The following PHF21A variants were observed in gnomAD, a reference collection of about 807,000 sequenced individuals.
PHF21A encodes the protein BHC80a.
In PHF21A, 11 loss-of-function variants were observed where a neutral mutation model predicts 82.5. That is an observed-to-expected ratio of 0.13 (90% confidence interval 0.08 to 0.22). The LOEUF is 0.22. Among genes scored for constraint, PHF21A ranks in the 10% least tolerant of loss-of-function variants. The probability of loss-of-function intolerance (pLI) is 1.00; values close to 1 mark genes in which losing one functional copy is unlikely to be tolerated. For missense variants in PHF21A, 579 were observed against 837.8 expected, an observed-to-expected ratio of 0.69 and a Z score of 3.81; for synonymous variants, 297 against 302.8, an observed-to-expected ratio of 0.98 and a Z score of 0.20.
At chr11:46,057,420 C>A (rs894470800) in intron 6 of PHF21A, among the ~76,000 whole-genome samples, 1 of 152,084 alleles carries the variant, frequency 6.6e-6, no homozygotes, top group African/African-American at 2.4e-5. Flanking sequence ...ATACATATAA[C>A]AGATGCCCAG....
chr11:45,981,229 T>C (rs2094264621), intron 6 of PHF21A, among the ~76,000 whole-genome samples: 2 of 151,266 alleles, frequency 1.3e-5, no homozygotes, highest in Admixed American at 6.6e-5. Flanking sequence ...CCGCTAAAAA[T>C]ACAAAAATTA....
intron 1 of PHF21A, among the ~76,000 whole-genome samples, chr11:46,115,692 G>C (rs2097280736): frequency 6.6e-6 from 1 of 151,664 alleles, no homozygotes; most frequent in African/African-American, 2.4e-5. Context: ...ATTCAAACAT[G>C]TTTCAAGAAA....
rs944811570 is a variant in PHF21A, at chr11:46,111,397, G to C, written c.-237+9538C>G. Among the ~76,000 whole-genome samples, 8 of 152,036 alleles carry C rather than the reference G, an allele frequency of 5.3e-5. No homozygotes were observed. The East Asian group carries it at 1.6e-3, about 30-fold the overall frequency. ...AGGCATGAGAACTGCTGGATCCTGG[G>C]AGGCAGAGGTTGCAGTGAGCTGATA... On this transcript the variant is annotated intron_variant, in intron 1 of 18. Coordinates refer to ENST00000676320, the MANE Select transcript of PHF21A (RefSeq NM_001352027.3).
chr11:46,044,750 T>C (rs902007176), intron 6 of PHF21A, among the ~76,000 whole-genome samples: 1 of 152,228 alleles, frequency 6.6e-6, no homozygotes, highest in South Asian at 2.1e-4. Context: ...CTTAACTATA[T>C]GCCTGACTTC....
intron 6 of PHF21A, among the ~76,000 whole-genome samples, chr11:46,069,770 T>A (rs151309055): frequency 6.6e-6 from 1 of 152,232 alleles, no homozygotes; most frequent in Non-Finnish European, 1.5e-5. Flanking sequence ...AGTTTATGTA[T>A]CACAATGATG....
chr11:46,034,435 C>T (rs2095944369), intron 6 of PHF21A, among the ~76,000 whole-genome samples: 1 of 152,056 alleles, frequency 6.6e-6, no homozygotes, highest in Non-Finnish European at 1.5e-5. Flanking sequence ...TTATTAGGTC[C>T]TTTCCTGTAT....
rs1164295510 is a variant in PHF21A, at chr11:45,929,442, T to G, written c.*4526A>C. The G allele has an allele frequency of 1.3e-5, 2 of 153,828 alleles. No individual in the cohort carries two copies. The highest frequency in any genetic ancestry group is 1.3e-4 in the Admixed American group (2 of 15,522). 9.5% of individuals were successfully genotyped at this position (153,828 alleles called of 1,614,324 possible). ...ACCAAACAAACAAAAACAAAAACTT[T>G]GAAGCACAAAACTCCAAATACAAGT... is the stretch of plus-strand genomic sequence containing the variant. On this transcript the variant is annotated 3_prime_UTR_variant, in exon 19 of 19. Transcript: ENST00000676320.
At chr11:45,950,162 T>G (rs764766209) in intron 12 of PHF21A, 44 bp downstream of exon 12, 1 of 1,426,292 alleles carries the variant, frequency 7.0e-7, no homozygotes, top group Non-Finnish European at 9.8e-7. Flanking sequence ...GGAACAAAGC[T>G]GTGGGCCAGA....
chr11:45,940,354 CCTGA>C (rs2090113615), intron 15 of PHF21A, among the ~76,000 whole-genome samples: 1 of 152,076 alleles, frequency 6.6e-6, no homozygotes, highest in South Asian at 2.1e-4. Flanking sequence ...CACCACCACG[CCTGA>C]CTAACTTTTA....
chr11:46,029,426 GC>G (rs1231333161), intron 6 of PHF21A, among the ~76,000 whole-genome samples: 2 of 152,128 alleles, frequency 1.3e-5, no homozygotes, highest in African/African-American at 4.8e-5. Context: ...AGTGGCTCAC[GC>G]CTGTAATCCT....
At chr11:45,940,212 T>G (rs1407757257) in intron 15 of PHF21A, among the ~76,000 whole-genome samples, 1 of 151,794 alleles carries the variant, frequency 6.6e-6, no homozygotes, top group Non-Finnish European at 1.5e-5. Flanking sequence ...TTTTTTTTTT[T>G]AGACGGAGTC....
In PHF21A at chr11:45,969,852, G is replaced by A. The variant is rs1183518150; in HGVS notation, c.665C>T (p.Pro222Leu). The change falls in exon 9 of 19, where the codon CCT becomes CTT. Residue 222 changes from proline (P) to leucine (L), a missense_variant. This residue lies in a region of PHF21A where 410 missense variants were observed against 642.1 expected (regional missense o/e 0.64). Coordinates refer to ENST00000676320, the MANE Select transcript of PHF21A (RefSeq NM_001352027.3). ...GTTTGGACGTGGAGTGAGTCTAGGA[G>A]GGGGGATAAACTGTGGTACTTTGAT... ...QPIKVPQFIP[P>L]PRLTPRPNFL... 1.2e-6 allele frequency: 2 copies of A among 1,613,672 alleles called. No individual in the cohort carries two copies. The highest frequency in any genetic ancestry group is 1.1e-5 in the South Asian group (1 of 91,034).
At chr11:46,041,558 G>C (rs534011416) in intron 6 of PHF21A, among the ~76,000 whole-genome samples, 1 of 152,264 alleles carries the variant, frequency 6.6e-6, no homozygotes, top group South Asian at 2.1e-4. Flanking sequence ...TTCTGGGGTA[G>C]TGTGATTTAT....
chr11:46,040,920 C>T (rs2096123414), intron 6 of PHF21A, among the ~76,000 whole-genome samples: 1 of 149,360 alleles, frequency 6.7e-6, no homozygotes, highest in African/African-American at 2.5e-5. Context: ...CACACACACA[C>T]ACACACACAC....
At chr11:46,103,727 C>A (rs2097124452) in intron 1 of PHF21A, among the ~76,000 whole-genome samples, 1 of 152,136 alleles carries the variant, frequency 6.6e-6, no homozygotes, top group Admixed American at 6.5e-5. Context: ...TAAGCTATTA[C>A]AAATACATTT....
At chr11:46,038,763 T>C (rs552828216) in intron 6 of PHF21A, among the ~76,000 whole-genome samples, 4 of 152,112 alleles carry the variant, frequency 2.6e-5, no homozygotes, top group African/African-American at 4.8e-5. Context: ...CCTTTTCTTA[T>C]AAAACCACTA....
chr11:46,059,310 A>G (rs191306900), intron 6 of PHF21A, among the ~76,000 whole-genome samples: 1 of 152,392 alleles, frequency 6.6e-6, no homozygotes, highest in African/African-American at 2.4e-5. Flanking sequence ...ATAGGATACT[A>G]TCAAGCCACT....
chr11:46,119,402 T>A (rs1276770321), intron 1 of PHF21A, among the ~76,000 whole-genome samples: 1 of 152,178 alleles, frequency 6.6e-6, no homozygotes, highest in African/African-American at 2.4e-5. Context: ...GAGACATCAT[T>A]TTAAAAACAA....
chr11:46,023,940 G>T (rs370729723), intron 6 of PHF21A, among the ~76,000 whole-genome samples: 1 of 152,096 alleles, frequency 6.6e-6, no homozygotes, highest in Non-Finnish European at 1.5e-5. Flanking sequence ...TGGGCGACAC[G>T]GCAAGACACC....
Sources: gnomAD v4.1 joint callset for allele counts (sites outside exome capture counted in the v4.1 genomes callset) on GRCh38, gnomAD v4.1.1 for gene constraint, gnomAD v4.1.1 regional missense constraint, MANE v1.5 for transcripts, NCBI Gene and HGNC (gene_info 2026-07-23, HGNC 2026-07-21) for gene names.